The following TTLL6 variants were observed in gnomAD, a reference collection of about 807,000 sequenced individuals.
The protein encoded by TTLL6 is tubulin polyglutamylase TTLL6.
Under a neutral mutation model 96.4 loss-of-function variants are expected in TTLL6, and 75 were observed. That is an observed-to-expected ratio of 0.78 (90% CI 0.65 to 0.94). The LOEUF (loss-of-function observed/expected upper bound fraction) is 0.94. Ranked by LOEUF, TTLL6 falls within the 40% of genes least tolerant of loss-of-function variation. TTLL6 has a pLI of 0.00. For missense variants in TTLL6, 1,030 were observed against 1,093.0 expected (o/e 0.94, Z 0.81); for synonymous variants, 411 against 419.4 (o/e 0.98, Z 0.24).
chr17:48,786,449 C>G, intron 11 of TTLL6, 114 bp from the exon 12 acceptor site: 1 of 1,202,508 alleles, frequency 8.3e-7, no homozygotes, highest in South Asian at 1.3e-5. Context: ...TCCACATTCC[C>G]TCCTCCAACA....
intron 10 of TTLL6, among the ~76,000 whole-genome samples, chr17:48,788,559 C>G (rs1010677693): frequency 9.2e-5 from 14 of 152,082 alleles, no homozygotes; most frequent in African/African-American, 3.1e-4. Flanking sequence ...CGGAGAAGGC[C>G]CTTAACCTGA....
intron 13 of TTLL6, among the ~76,000 whole-genome samples, chr17:48,779,353 CAAAAAAAA>C (rs35763170): frequency 1.7e-4 from 8 of 46,260 alleles, no homozygotes; most frequent in East Asian, 8.4e-4. Context: ...GACTCTGTCT[CAAAAAAAA>C]AAAAAAAAAA....
chr17:48,777,730 C>CAA (rs749723188), intron 13 of TTLL6, among the ~76,000 whole-genome samples: 30 of 133,216 alleles, frequency 2.3e-4, no homozygotes, highest in South Asian at 4.8e-4. Context: ...GACTCCGTCT[C>CAA]AAAAAAAAAA....
chr17:48,814,318 C>CAAAAA lies in TTLL6; in HGVS notation c.103+2647_103+2651dup, dbSNP rs398030988. Among the ~76,000 whole-genome samples the CAAAAA allele has an allele frequency of 2.4e-3, 129 of 52,860 alleles. 6 individuals are homozygous for CAAAAA. The highest frequency in any genetic ancestry group is 5.4e-3 in the African/African-American group (65 of 11,934). 34.7% of individuals were successfully genotyped at this position (52,860 alleles called of 152,430 possible). A position where few individuals can be genotyped will look rare whatever the true frequency, so the allele number is the denominator to read the frequency against. Reference sequence around the variant, plus strand: ...TGGGTGACAGAGGGAGACAGTGTCTCAAAAAAAAAAAAAAAAAAAAAAAGA... The same window carrying CAAAAA: ...TGGGTGACAGAGGGAGACAGTGTCTCAAAAAAAAAAAAAAAAAAAAAAAAAAAAGA... On this transcript the variant is annotated intron_variant, in intron 1 of 15. Transcript: ENST00000393382.
chr17:48,779,646 A>T (rs2038949970), intron 13 of TTLL6, among the ~76,000 whole-genome samples: 2 of 152,172 alleles, frequency 1.3e-5, no homozygotes, highest in Non-Finnish European at 2.9e-5. Flanking sequence ...AACCAAACAA[A>T]CAAAAAACTG....
At chr17:48,782,705 CT>C (rs1165355539) in intron 13 of TTLL6, among the ~76,000 whole-genome samples, 5 of 151,384 alleles carry the variant, frequency 3.3e-5, no homozygotes, top group African/African-American at 9.7e-5. Flanking sequence ...GTAACTGGTA[CT>C]TTTTTTTTCT....
In TTLL6 at chr17:48,804,823, T is replaced by C. The variant is rs1198528695; in HGVS notation, c.272A>G (p.Asn91Ser). The C allele has an allele frequency of 1.3e-6, 2 of 1,552,330 alleles. No individual in the cohort carries two copies. The highest frequency in any genetic ancestry group is 1.7e-6 in the Non-Finnish European group (2 of 1,147,120). Residue 91 changes from asparagine to serine, a missense_variant, in exon 2 of 16, where the codon AAC (asparagine) becomes AGC (serine). Physicochemically the swap from Asn to Ser is conservative, Grantham distance 46 (BLOSUM62 1). Coordinates refer to ENST00000393382, the MANE Select transcript of TTLL6 (RefSeq NM_001130918.3). ...TTGCTGCTGGGCATTCTGAAGTCCG[T>C]TTTGTGCCCCTGGGTTCTCTCTCAC... ...AFVRENPGAQ[N>S]GLQNAQQQGK...
intron 15 of TTLL6, among the ~76,000 whole-genome samples, chr17:48,767,540 T>C (rs899387750): frequency 6.6e-6 from 1 of 152,192 alleles, no homozygotes; most frequent in African/African-American, 2.4e-5. Flanking sequence ...GGATGTTTCC[T>C]TGCAGGCCCT....
chr17:48,789,961 A>G lies in TTLL6; in HGVS notation c.1370T>C (p.Phe457Ser), dbSNP rs2039186137. The G allele has an allele frequency of 1.2e-6, 2 of 1,614,168 alleles. No individual in the cohort carries two copies. Among genetic ancestry groups the G allele is most frequent in the Non-Finnish European group, 1.7e-6 (2 of 1,180,024 alleles). ...CTCCCGAGAACAACACTGCTGCAGG[A>G]ACTGCCCCCGTTGTCTCTCCTCCTC... ...VLEEERQRGQ[F>S]LQQCCSREMR... The change falls in exon 10 of 16, where the codon TTC (phenylalanine) becomes TCC (serine). Residue 457 changes from phenylalanine (F) to serine (S), a missense_variant. Physicochemically the swap from Phe to Ser is radical, Grantham distance 155. Transcript: ENST00000393382.
chr17:48,798,262 A>T lies in TTLL6; in HGVS notation c.769-1058T>A, dbSNP rs1028006098. ...CATAGAGACTCTACCTCTACAAAGA[A>T]ATTTTTTTTTAATAAAAAATTAGTC... On this transcript the variant is annotated intron_variant, in intron 6 of 15. Transcript: ENST00000393382. Among the ~76,000 whole-genome samples the T allele has an allele frequency of 2.0e-5, 3 of 152,256 alleles. No individual in the cohort carries two copies. The South Asian group carries it at 6.2e-4, about 32-fold the overall frequency.
chr17:48,799,028 C>T (rs2039366099), intron 6 of TTLL6, among the ~76,000 whole-genome samples: 1 of 152,092 alleles, frequency 6.6e-6, no homozygotes, highest in African/African-American at 2.4e-5. Context: ...GTCATGTTTC[C>T]CAGGCTGGTC....
chr17:48,804,996 A>G lies in TTLL6; in HGVS notation c.104-5T>C, dbSNP rs1344793139. ...CTCTGGGGAAATACCAGGCCCCTAG[A>G]GAGAGGGCAGAGGGAGCCGCAGTTA... On this transcript the variant is annotated splice_region_variant and splice_polypyrimidine_tract_variant and intron_variant, in intron 1 of 15. Coordinates refer to ENST00000393382, the MANE Select transcript of TTLL6 (RefSeq NM_001130918.3). 6.5e-7 allele frequency: 1 copy of G among 1,549,510 alleles called. No homozygotes were observed. The highest frequency in any genetic ancestry group is 2.4e-5 in the East Asian group (1 of 40,912).
chr17:48,803,249 C>A (rs1264410497), intron 3 of TTLL6, among the ~76,000 whole-genome samples: 1 of 152,134 alleles, frequency 6.6e-6, no homozygotes, highest in African/African-American at 2.4e-5. Context: ...AATCCCAGCA[C>A]TTTGGGAGGC....
chr17:48,806,924 G>A (rs2039513810), intron 1 of TTLL6, among the ~76,000 whole-genome samples: 2 of 151,620 alleles, frequency 1.3e-5, no homozygotes, highest in African/African-American at 4.8e-5. Context: ...CAGCTACTCG[G>A]CAGGCTGAGG....
intron 8 of TTLL6, 50 bp downstream of exon 8, chr17:48,796,010 CA>C: frequency 7.0e-7 from 1 of 1,429,908 alleles, no homozygotes; most frequent in Non-Finnish European, 9.6e-7. Flanking sequence ...TCCCAGAAAG[CA>C]GTTCTGAGGT....
At position 48,786,281 on chromosome 17, in the gene TTLL6, C is replaced by A. The variant is rs764653605; in HGVS notation, c.1644G>T (p.Lys548Asn). 6.2e-7 allele frequency: 1 copy of A among 1,614,122 alleles called. No individual in the cohort carries two copies. Among genetic ancestry groups the A allele is most frequent in the Non-Finnish European group, 8.5e-7 (1 of 1,180,056 alleles). Residue 548 changes from lysine (K) to asparagine (N), a missense_variant, in exon 12 of 16, where the codon AAG (lysine) becomes AAT (asparagine). By Grantham distance (94) the Lys-to-Asn change is moderately conservative. Transcript: ENST00000393382. ...ATTCCCCCTGCATCTCTACCTTCTTCTTCATTTGGAAGGGCTTTTTCTCCC... is the reference window on the plus strand; with the variant it reads ...ATTCCCCCTGCATCTCTACCTTCTTATTCATTTGGAAGGGCTTTTTCTCCC... Reference protein sequence around the residue: ...LKREKKPFQMKKKVEMQGESA... With the variant: ...LKREKKPFQMNKKVEMQGESA...
chr17:48,769,123 T>C lies in TTLL6; in HGVS notation c.2542A>G (p.Ile848Val). 6.2e-7 allele frequency: 1 copy of C among 1,614,138 alleles called. No individual in the cohort carries two copies. The highest frequency in any genetic ancestry group is 8.5e-7 in the Non-Finnish European group (1 of 1,180,028). ...GGATCCAGTTGGGCTGGAGTGGCAA[T>C]CACCAGCAGGTCCCTCAGAGTAACA... Reference protein sequence around the residue: ...YNVTLRDLLVIATPAQLDPRP... With the variant: ...YNVTLRDLLVVATPAQLDPRP... Residue 848 changes from isoleucine (I) to valine (V), a missense_variant, in exon 15 of 16, where the codon ATT (isoleucine) becomes GTT (valine). Physicochemically the swap from Ile to Val is conservative, Grantham distance 29. Transcript: ENST00000393382.
chr17:48,807,151 C>T (rs1222163806), intron 1 of TTLL6, among the ~76,000 whole-genome samples: 1 of 151,602 alleles, frequency 6.6e-6, no homozygotes, highest in African/African-American at 2.4e-5. Context: ...GCAATGGCGC[C>T]ATCTCGGCTC....
At chr17:48,810,882 G>T (rs2039580655) in intron 1 of TTLL6, among the ~76,000 whole-genome samples, 1 of 133,082 alleles carries the variant, frequency 7.5e-6, no homozygotes, top group African/African-American at 2.7e-5. Context: ...ATATGTAGTT[G>T]CCAACAACTA....
Sources: gnomAD v4.1 joint callset for allele counts (sites outside exome capture counted in the v4.1 genomes callset) on GRCh38, gnomAD v4.1.1 for gene constraint, MANE v1.5 for transcripts, NCBI Gene and HGNC (gene_info 2026-07-23, HGNC 2026-07-21) for gene names.